The following CACNB2 variants were observed in gnomAD, a reference collection of about 807,000 sequenced individuals.
The protein encoded by CACNB2 is voltage-dependent L-type calcium channel subunit beta-2.
CACNB2 carries 42 observed loss-of-function variants against 73.3 expected under a neutral mutation model. The observed-to-expected ratio is 0.57, with a 90% CI of 0.45 to 0.74. CACNB2 has a LOEUF of 0.74. CACNB2 is among the 30% of genes least tolerant of loss of function. The probability of loss-of-function intolerance (pLI) is 0.00; values close to 1 mark genes in which losing one functional copy is unlikely to be tolerated. For synonymous variants in CACNB2, 348 were observed against 310.3 expected (o/e 1.12, Z -1.28); for missense variants, 940 against 853.0 (o/e 1.10, Z -1.27).
chr10:18,257,662 C>A (rs2037340565), intron 2 of CACNB2, among the ~76,000 whole-genome samples: 1 of 152,210 alleles, frequency 6.6e-6, no homozygotes, highest in South Asian at 2.1e-4. Flanking sequence ...GTGTCCTCAT[C>A]TTTGTGAAGG....
chr10:18,315,913 C>G (rs2040165255), intron 2 of CACNB2, among the ~76,000 whole-genome samples: 1 of 152,170 alleles, frequency 6.6e-6, no homozygotes, highest in Admixed American at 6.5e-5. Flanking sequence ...CAGTTTCCAT[C>G]ATAGACGTAA....
chr10:18,195,539 G>T (rs2034585808), intron 2 of CACNB2, among the ~76,000 whole-genome samples: 1 of 152,330 alleles, frequency 6.6e-6, no homozygotes, highest in East Asian at 1.9e-4. Flanking sequence ...TCTCATAAAT[G>T]CATTCCACTC....
chr10:18,402,624 G>A (rs2044066146), intron 3 of CACNB2, among the ~76,000 whole-genome samples: 1 of 152,124 alleles, frequency 6.6e-6, no homozygotes, highest in Admixed American at 6.5e-5. Context: ...TATATGGAGG[G>A]GAGACTGCAA....
intron 3 of CACNB2, among the ~76,000 whole-genome samples, chr10:18,422,106 A>G (rs1263637377): frequency 6.6e-6 from 1 of 152,248 alleles, no homozygotes; most frequent in Admixed American, 6.5e-5. Context: ...AACAAAACCA[A>G]AAGACCGTTT....
chr10:18,247,036 A>C (rs1218917569), intron 2 of CACNB2, among the ~76,000 whole-genome samples: 1 of 152,144 alleles, frequency 6.6e-6, no homozygotes, highest in Non-Finnish European at 1.5e-5. Flanking sequence ...CGCAGTTGTA[A>C]GGCATAATCT....
chr10:18,151,285 T>G (rs2064203278), intron 2 of CACNB2: 1 of 275,148 alleles, frequency 3.6e-6, no homozygotes, highest in African/African-American at 2.3e-5. Context: ...TTTTTTTTTT[T>G]TTCAGTGGGA....
At chr10:18,266,849 C>G (rs919886749) in intron 2 of CACNB2, among the ~76,000 whole-genome samples, 1 of 152,164 alleles carries the variant, frequency 6.6e-6, no homozygotes, top group Admixed American at 6.5e-5. Flanking sequence ...GAGATCGTGC[C>G]ACTGCACTCC....
intron 2 of CACNB2, among the ~76,000 whole-genome samples, chr10:18,226,228 T>C (rs2035988343): frequency 6.6e-6 from 1 of 152,072 alleles, no homozygotes; most frequent in Non-Finnish European, 1.5e-5. Flanking sequence ...GGTTTTGCCA[T>C]GTTGCCCAGG....
intron 1 of CACNB2, 91 bp downstream of exon 1, chr10:18,140,947 C>G: frequency 6.5e-7 from 1 of 1,529,058 alleles, no homozygotes; most frequent in Non-Finnish European, 8.8e-7. Flanking sequence ...CTGCAGGGAT[C>G]TCTAGCCTCG....
At chr10:18,152,063 G>T (rs1001313755) in intron 2 of CACNB2, among the ~76,000 whole-genome samples, 1 of 152,124 alleles carries the variant, frequency 6.6e-6, no homozygotes, top group African/African-American at 2.4e-5. Context: ...GCTCCTTGTG[G>T]CACTCCCCAA....
intron 10 of CACNB2, among the ~76,000 whole-genome samples, chr10:18,532,258 G>A (rs2053104700): frequency 6.6e-6 from 1 of 152,186 alleles, no homozygotes; most frequent in Non-Finnish European, 1.5e-5. Flanking sequence ...AAGTATGTAT[G>A]TAAGGCTACC....
At position 18,344,874 on chromosome 10, in the gene CACNB2, G is replaced by C. The variant is rs114368592; in HGVS notation, c.214-57050G>C. ...TGCTGTGGTCAGATATTTTTATGCT[G>C]GCATATTGTACTGCAGTTCTTTTCT... On this transcript the variant is annotated intron_variant, in intron 2 of 13. Coordinates refer to ENST00000324631, the MANE Select transcript of CACNB2 (RefSeq NM_201596.3). Among the ~76,000 whole-genome samples the C allele has an allele frequency of 8.2e-3, 1,255 of 152,232 alleles. 12 individuals carry two copies. The highest frequency in any genetic ancestry group is 0.027 in the African/African-American group (1,105 of 41,530).
intron 2 of CACNB2, among the ~76,000 whole-genome samples, chr10:18,161,854 G>A (rs946484368): frequency 6.6e-6 from 1 of 151,900 alleles, no homozygotes; most frequent in African/African-American, 2.4e-5. Context: ...ACTTGAACCT[G>A]GAAGGCAAAC....
At chr10:18,200,058 C>A (rs775705954) in intron 2 of CACNB2, among the ~76,000 whole-genome samples, 3 of 150,654 alleles carry the variant, frequency 2.0e-5, no homozygotes, top group Non-Finnish European at 4.4e-5. Context: ...TCAAACACTT[C>A]ATTTAGTTTT....
intron 2 of CACNB2, among the ~76,000 whole-genome samples, chr10:18,246,614 TCTGTCATACAGG>T (rs2036870078): frequency 6.6e-6 from 1 of 152,106 alleles, no homozygotes; most frequent in Non-Finnish European, 1.5e-5. Flanking sequence ...AGGGTCTCAC[TCTGTCATACAGG>T]CTGGAGTGCA....
chr10:18,407,146 A>T (rs1487493805), intron 3 of CACNB2, among the ~76,000 whole-genome samples: 1 of 36,322 alleles, frequency 2.8e-5, no homozygotes, highest in Non-Finnish European at 5.6e-5. Context: ...TTTTTGAGAC[A>T]GGGCCTCCCT....
At chr10:18,509,434 C>T (rs570009406) in intron 6 of CACNB2, among the ~76,000 whole-genome samples, 2 of 152,200 alleles carry the variant, frequency 1.3e-5, no homozygotes, top group African/African-American at 4.8e-5. Context: ...CACCCACACA[C>T]ACGTGTGTAC....
chr10:18,170,099 A>C (rs141281840), intron 2 of CACNB2, among the ~76,000 whole-genome samples: 567 of 152,314 alleles, frequency 3.7e-3, no homozygotes, highest in African/African-American at 0.011. Flanking sequence ...TCCATGAACT[A>C]ATCACTGAGG....
At chr10:18,338,738 CTT>C (rs553402190) in intron 2 of CACNB2, among the ~76,000 whole-genome samples, 8 of 102,420 alleles carry the variant, frequency 7.8e-5, no homozygotes, top group Admixed American at 2.4e-4. Context: ...TCCTTCTTTC[CTT>C]TTTTTTTTTT....
Sources: gnomAD v4.1 joint callset for allele counts (sites outside exome capture counted in the v4.1 genomes callset) on GRCh38, gnomAD v4.1.1 for gene constraint, MANE v1.5 for transcripts, NCBI Gene and HGNC (gene_info 2026-07-23, HGNC 2026-07-21) for gene names.